AGO3: variants seen among roughly 807,000 people sequenced by gnomAD.
The protein encoded by AGO3 is argonaute RISC catalytic component 3.
A neutral mutation model predicts 105.5 loss-of-function variants in AGO3; 16 were observed. The observed-to-expected ratio is 0.15, with a 90% CI of 0.10 to 0.23. The LOEUF is 0.23. AGO3 is among the 10% of genes least tolerant of loss of function. The pLI is 1.00. For missense variants in AGO3, 534 were observed against 1,088.0 expected (o/e 0.49, Z 7.16); for synonymous variants, 340 against 367.3 (o/e 0.93, Z 0.85).
At chr1:35,995,887 A>G (rs1247440685) in intron 5 of AGO3, among the ~76,000 whole-genome samples, 3 of 152,132 alleles carry the variant, frequency 2.0e-5, no homozygotes, top group Non-Finnish European at 4.4e-5. Context: ...CATGTTGGCC[A>G]GGCTGGTCTC....
rs192509719 is a variant in AGO3, at chr1:35,971,897, T to A, written c.313-127T>A. 1.2e-3 allele frequency: 941 copies of A among 816,358 alleles called. 9 individuals are homozygous for A. The East Asian group carries it at 0.024, about 20-fold the overall frequency. The allele number at this position is 816,358 out of a possible 1,614,324, so 50.6% of individuals were successfully genotyped here. A position where few individuals can be genotyped will look rare whatever the true frequency, so the allele number is the denominator to read the frequency against. On this transcript the variant is annotated intron_variant, in intron 3 of 18. Transcript: ENST00000373191. ...TTTAAATTTTATCTACAAAAAAAAA[T>A]GGTATATTTTAGTCTATTGACTTTA... is the stretch of plus-strand genomic sequence containing the variant.
intron 12 of AGO3, among the ~76,000 whole-genome samples, chr1:36,032,623 A>G (rs548772505): frequency 6.6e-6 from 1 of 152,278 alleles, no homozygotes; most frequent in South Asian, 2.1e-4. Context: ...GGCTCAAGCA[A>G]TCCGCCTCAG....
chr1:35,944,544 C>CTTTTTTTTTTTTTT (rs761797350), intron 1 of AGO3, among the ~76,000 whole-genome samples: 1 of 105,484 alleles, frequency 9.5e-6, no homozygotes, highest in Non-Finnish European at 1.9e-5. Context: ...ATTTTATTTA[C>CTTTTTTTTTTTTTT]TTTTTTTTTT....
At chr1:36,050,912 C>T (rs1349001268) in intron 17 of AGO3, among the ~76,000 whole-genome samples, 3 of 151,896 alleles carry the variant, frequency 2.0e-5, no homozygotes, top group East Asian at 3.9e-4. Context: ...CAGGAACCTT[C>T]GCCTCCTGGG....
intron 17 of AGO3, among the ~76,000 whole-genome samples, chr1:36,044,389 T>G (rs938701631): frequency 1.4e-5 from 2 of 147,388 alleles, no homozygotes; most frequent in Non-Finnish European, 3.0e-5. Context: ...ACAGCTTTAG[T>G]TTTTTTTTGT....
At chr1:36,018,726 TGGCCAA>T (rs1172704446) in intron 11 of AGO3, among the ~76,000 whole-genome samples, 103 of 152,284 alleles carry the variant, frequency 6.8e-4, no homozygotes, top group African/African-American at 2.1e-3. Flanking sequence ...CCACCACACC[TGGCCAA>T]TATGAGGTTT....
intron 2 of AGO3, among the ~76,000 whole-genome samples, chr1:35,965,245 A>G (rs1646750937): frequency 6.6e-6 from 1 of 152,240 alleles, no homozygotes; most frequent in African/African-American, 2.4e-5. Flanking sequence ...TAATCCCAGC[A>G]CTTTAGGAGG....
At position 36,056,010 on chromosome 1, in the gene AGO3, T is replaced by C. The variant is rs1642906290; in HGVS notation, c.*265T>C. On this transcript the variant is annotated 3_prime_UTR_variant, in exon 19 of 19. Transcript: ENST00000373191. ...GTATCGCAATTGTTTTGTTTTCATT[T>C]CTTGTAGTCTAACCCTTTTAATGCC... 3.4e-6 allele frequency: 1 copy of C among 291,490 alleles called. No homozygotes were observed. Among genetic ancestry groups the C allele is most frequent in the Non-Finnish European group, 6.4e-6 (1 of 156,760 alleles). The allele number at this position is 291,490 out of a possible 1,614,324, so 18.1% of individuals were successfully genotyped here.
chr1:35,950,004 C>T (rs909907952), intron 2 of AGO3, among the ~76,000 whole-genome samples: 1 of 152,102 alleles, frequency 6.6e-6, no homozygotes, highest in African/African-American at 2.4e-5. Flanking sequence ...GAGTGGATCA[C>T]GAGGTCAGGA....
intron 17 of AGO3, among the ~76,000 whole-genome samples, chr1:36,045,081 G>A (rs1298141970): frequency 6.6e-6 from 1 of 152,030 alleles, no homozygotes; most frequent in Non-Finnish European, 1.5e-5. Context: ...TCTTATATCA[G>A]CTCCTCTTTA....
rs1047759297 is a variant in AGO3, at chr1:35,991,601, T to C, written c.659-12740T>C. On this transcript the variant is annotated intron_variant, in intron 5 of 18. Transcript: ENST00000373191. ...TTAGAAAATGTATTTATCAACAAAC[T>C]TAAAATGATAGTTTAGCTCTTTCTG... is the stretch of plus-strand genomic sequence containing the variant. Among the ~76,000 whole-genome samples the C allele has an allele frequency of 1.1e-4, 17 of 150,270 alleles. No homozygotes were observed. In the South Asian group the frequency reaches 2.3e-3, roughly 20 times the overall value.
intron 5 of AGO3, among the ~76,000 whole-genome samples, chr1:35,983,680 G>A (rs1413482678): frequency 1.3e-5 from 2 of 152,120 alleles, no homozygotes; most frequent in African/African-American, 4.8e-5. Context: ...CAGGTACAGT[G>A]ACTGCCATAA....
intron 3 of AGO3, among the ~76,000 whole-genome samples, chr1:35,968,205 A>G (rs1318111118): frequency 3.3e-5 from 5 of 152,148 alleles, no homozygotes; most frequent in Admixed American, 2.6e-4. Flanking sequence ...GTTTTCTCCT[A>G]TTGGGGTATT....
chr1:35,945,213 CTTTT>C (rs577859805), intron 1 of AGO3, among the ~76,000 whole-genome samples: 27 of 145,838 alleles, frequency 1.9e-4, no homozygotes, highest in East Asian at 1.6e-3. Context: ...CTTTTCTTTT[CTTTT>C]TTTTTTTTAA....
chr1:36,003,676 A>C (rs2148808822), intron 5 of AGO3, among the ~76,000 whole-genome samples: 1 of 140,054 alleles, frequency 7.1e-6, no homozygotes, highest in Non-Finnish European at 1.5e-5. Flanking sequence ...ACTGGGAAAC[A>C]AGAGTGAAAG....
At position 36,063,526 on chromosome 1, in the gene AGO3, T is replaced by C. The variant is rs1476522013; in HGVS notation, c.*7781T>C. 3 of 152,208 alleles carry C rather than the reference T, an allele frequency of 2.0e-5. No individual in the cohort carries two copies. Among genetic ancestry groups the C allele is most frequent in the Admixed American group, 2.0e-4 (3 of 15,284 alleles). The allele number at this position is 152,208 out of a possible 1,614,324, so 9.4% of individuals were successfully genotyped here. A position where few individuals can be genotyped will look rare whatever the true frequency, so the allele number is the denominator to read the frequency against. On this transcript the variant is annotated 3_prime_UTR_variant, in exon 19 of 19. Transcript: ENST00000373191. The stretch of plus-strand genomic sequence containing the variant: ...AACTTTTCCCCCATAATTTGTTATA[T>C]GGAAGATTTGCTACCCTGATCTTTT...
At chr1:35,934,552 T>A (rs1486994024) in intron 1 of AGO3, among the ~76,000 whole-genome samples, 1 of 152,224 alleles carries the variant, frequency 6.6e-6, no homozygotes, top group Non-Finnish European at 1.5e-5. Flanking sequence ...GATTGGGATT[T>A]GAATGATGTA....
intron 1 of AGO3, among the ~76,000 whole-genome samples, chr1:35,932,272 G>A (rs1646065368): frequency 6.6e-6 from 1 of 152,138 alleles, no homozygotes; most frequent in South Asian, 2.1e-4. Flanking sequence ...ATAACGGTTT[G>A]CCTAACAAAT....
chr1:35,972,271 T>C (rs761800317), intron 4 of AGO3, 39 bp downstream of exon 4: 2 of 1,595,082 alleles, frequency 1.3e-6, no homozygotes, highest in South Asian at 2.2e-5. Context: ...GATTTTAAAC[T>C]CCCAAGAATG....
Sources: allele counts gnomAD v4.1 joint callset (sites outside exome capture counted in the v4.1 genomes callset), GRCh38; gene constraint gnomAD v4.1.1; transcripts MANE v1.5; gene names NCBI Gene and HGNC (gene_info 2026-07-23, HGNC 2026-07-21).